The following FILIP1L variants were observed in gnomAD, a reference collection of about 807,000 sequenced individuals.
The protein encoded by FILIP1L is filamin A-interacting protein 1-like.
A neutral mutation model predicts 96.6 loss-of-function variants in FILIP1L; 55 were observed. That is an observed-to-expected ratio of 0.57 (90% CI 0.46 to 0.71). The LOEUF is 0.71. Among genes scored for constraint, FILIP1L ranks in the 30% least tolerant of loss-of-function variants. The pLI, the probability that FILIP1L is intolerant of heterozygous loss-of-function variation, is 0.00. For synonymous variants in FILIP1L, 467 were observed against 473.9 expected, an observed-to-expected ratio of 0.99 and a Z score of 0.19; for missense variants, 1,304 against 1,321.2, an observed-to-expected ratio of 0.99 and a Z score of 0.20.
chr3:100,021,915 T>TTGTGTGTGTGTG (rs61704772), intron 1 of FILIP1L, among the ~76,000 whole-genome samples: 4 of 105,958 alleles, frequency 3.8e-5, no homozygotes, highest in Admixed American at 9.9e-5. Context: ...CTAGATCCCA[T>TTGTGTGTGTGTG]TGTGTGTGTG....
At chr3:99,948,298 G>A (rs1390394112) in intron 1 of FILIP1L, among the ~76,000 whole-genome samples, 1 of 151,988 alleles carries the variant, frequency 6.6e-6, no homozygotes, top group East Asian at 1.9e-4. Context: ...TTTGAGATCA[G>A]CCTTAGCAAC....
rs540240294 is a variant in FILIP1L, at chr3:99,898,988, G to T, written c.605+25242C>A. On this transcript the variant is annotated intron_variant, in intron 4 of 5. Transcript: ENST00000477258. ...TATTAATACCAATCAAATTTCTGTT[G>T]CTAGTTTCATCACCTGAGAAGGCTG... 1.3e-4 allele frequency among the ~76,000 whole-genome samples: 19 copies of T among 151,918 alleles called. No homozygotes were observed. In the East Asian group the frequency reaches 2.1e-3, roughly 17 times the overall value.
At chr3:100,075,353 C>T (rs972388265) in intron 1 of FILIP1L, among the ~76,000 whole-genome samples, 1 of 152,196 alleles carries the variant, frequency 6.6e-6, no homozygotes, top group Non-Finnish European at 1.5e-5. Context: ...TTCTCATCCT[C>T]GTGTCCTTTA....
intron 1 of FILIP1L, among the ~76,000 whole-genome samples, chr3:100,026,367 A>T (rs1307250780): frequency 6.6e-6 from 1 of 152,052 alleles, no homozygotes; most frequent in African/African-American, 2.4e-5. Flanking sequence ...GCTATTTATT[A>T]TTCAGAAGGC....
At chr3:99,900,332 C>T (rs774746800) in intron 4 of FILIP1L, among the ~76,000 whole-genome samples, 5 of 152,070 alleles carry the variant, frequency 3.3e-5, no homozygotes, top group Admixed American at 6.5e-5. Flanking sequence ...ATACCTGGTG[C>T]TTCTTGTATG....
intron 4 of FILIP1L, among the ~76,000 whole-genome samples, chr3:99,877,252 C>G (rs1705565972): frequency 6.6e-6 from 1 of 152,160 alleles, no homozygotes; most frequent in African/African-American, 2.4e-5. Flanking sequence ...TTTAAAATTA[C>G]ATTAAAATAG....
chr3:99,859,218 GACAAAT>G (rs1944119539), intron 4 of FILIP1L, among the ~76,000 whole-genome samples: 1 of 152,224 alleles, frequency 6.6e-6, no homozygotes, highest in Non-Finnish European at 1.5e-5. Flanking sequence ...ACCTTGATGA[GACAAAT>G]ACAGTGACAG....
At chr3:99,948,988 A>G (rs894488434) in intron 1 of FILIP1L, among the ~76,000 whole-genome samples, 12 of 152,274 alleles carry the variant, frequency 7.9e-5, no homozygotes, top group African/African-American at 2.4e-4. Context: ...AATGTGGCCA[A>G]TTCTTTCAAG....
intron 1 of FILIP1L, among the ~76,000 whole-genome samples, chr3:100,090,527 G>A (rs2066085485): frequency 2.0e-5 from 3 of 152,192 alleles, no homozygotes; most frequent in South Asian, 2.1e-4. Flanking sequence ...ACTTGCCCAG[G>A]CCCTCCCAGT....
At chr3:99,848,060 TC>T (rs1943447499) in intron 5 of FILIP1L, 1 of 1,284,992 alleles carries the variant, frequency 7.8e-7, no homozygotes, top group Non-Finnish European at 9.9e-7. Flanking sequence ...CTAAATATTT[TC>T]CATACAAGTA....
chr3:100,062,826 C>G (rs111776854), intron 1 of FILIP1L, among the ~76,000 whole-genome samples: 230 of 152,328 alleles, frequency 1.5e-3, no homozygotes, highest in African/African-American at 5.1e-3. Flanking sequence ...CCCCTCCAGC[C>G]TGGATTACTG....
rs567186734 is a variant in FILIP1L, at chr3:99,949,980, C to A, written c.-10-18950G>T. ...TATCATTAATTATTTCCCAGAATAA[C>A]CTTTACTTTCATAATCAAAGGTATG... On this transcript the variant is annotated intron_variant, in intron 1 of 5. Transcript: ENST00000477258. 3.3e-4 allele frequency among the ~76,000 whole-genome samples: 50 copies of A among 152,218 alleles called. 1 individual carries two copies. In the South Asian group the frequency reaches 0.01, roughly 32 times the overall value.
intron 1 of FILIP1L, among the ~76,000 whole-genome samples, chr3:100,077,600 A>G (rs1192580237): frequency 6.6e-6 from 1 of 152,210 alleles, no homozygotes; most frequent in Non-Finnish European, 1.5e-5. Context: ...ATAGTAAAAC[A>G]GTACAGAATG....
chr3:100,089,122 A>G (rs1053227531), intron 1 of FILIP1L, among the ~76,000 whole-genome samples: 14 of 152,208 alleles, frequency 9.2e-5, no homozygotes, highest in Admixed American at 9.2e-4. Flanking sequence ...ATCCAAGAGT[A>G]AAAGTTATAT....
rs372163637 is a variant in FILIP1L at position 100,037,374 on chromosome 3, AT to A, written c.-11+76678del. Among the ~76,000 whole-genome samples, 689 of 152,284 alleles carry A rather than the reference AT, an allele frequency of 4.5e-3. 7 individuals carry two copies. The highest frequency in any genetic ancestry group is 0.016 in the African/African-American group (675 of 41,568). On this transcript the variant is annotated intron_variant, in intron 1 of 5. Coordinates refer to ENST00000477258, the MANE Select transcript of FILIP1L (RefSeq NM_001387850.1). Reference sequence around the variant, plus strand: ...GGTGAATATGGGTGAAGGGTAAAAGATTTTTTGTAGTATTCTTGCAAATTTT... The same window carrying A: ...GGTGAATATGGGTGAAGGGTAAAAGATTTTTGTAGTATTCTTGCAAATTTT...
intron 4 of FILIP1L, among the ~76,000 whole-genome samples, chr3:99,890,762 C>T (rs921891389): frequency 1.3e-5 from 2 of 151,390 alleles, no homozygotes; most frequent in Admixed American, 6.6e-5. Flanking sequence ...GTATGTCTTA[C>T]ATGCTGTCTG....
intron 5 of FILIP1L, chr3:99,847,871 A>G (rs1008311699): frequency 1.0e-5 from 9 of 872,726 alleles, no homozygotes; most frequent in African/African-American, 5.5e-5. Flanking sequence ...ACAAAATTCT[A>G]TTGTACATGC....
intron 2 of FILIP1L, 72 bp from the exon 3 acceptor site, chr3:99,930,101 A>C: frequency 7.9e-7 from 1 of 1,262,820 alleles, no homozygotes; most frequent in South Asian, 1.5e-5. Flanking sequence ...TTTTTGTGAT[A>C]GTTGGCAGTG....
At chr3:100,034,867 G>C (rs1330020870) in intron 1 of FILIP1L, among the ~76,000 whole-genome samples, 3 of 152,190 alleles carry the variant, frequency 2.0e-5, no homozygotes, top group Non-Finnish European at 1.5e-5. Context: ...ATATTTGTTT[G>C]TGGTGTTTTT....
Sources: gnomAD v4.1 joint callset for allele counts (sites outside exome capture counted in the v4.1 genomes callset) on GRCh38, gnomAD v4.1.1 for gene constraint, MANE v1.5 for transcripts, NCBI Gene and HGNC (gene_info 2026-07-23, HGNC 2026-07-21) for gene names.